Variants in SH3BGRL observed in about 807,000 individuals in gnomAD.
The protein encoded by SH3BGRL is adapter SH3BGRL.
In SH3BGRL, 7 loss-of-function variants were observed where a neutral mutation model predicts 9.8. The ratio of observed to expected loss-of-function variants is 0.72; its 90% confidence interval spans 0.41 to 1.35. The LOEUF is 1.35. Among genes scored for constraint, SH3BGRL ranks in the 40% most tolerant of loss-of-function variants. SH3BGRL has a pLI of 0.01. For missense variants in SH3BGRL, 73 were observed against 84.4 expected (o/e 0.86, Z 0.53); for synonymous variants, 36 against 29.1 (o/e 1.24, Z -0.76).
intron 1 of SH3BGRL, among the ~76,000 whole-genome samples, chrX:81,275,388 C>T (rs1029421383): frequency 1.2e-4 from 13 of 111,407 alleles, no homozygotes; most frequent in East Asian, 5.6e-4. Flanking sequence ...TGAGAGCCAC[C>T]GTGCCCAGCC....
intron 1 of SH3BGRL, among the ~76,000 whole-genome samples, chrX:81,275,497 C>T (rs1236272498): frequency 5.4e-5 from 6 of 111,904 alleles, no homozygotes; most frequent in African/African-American, 2.0e-4. Context: ...ATTGACTGAA[C>T]CCACCTACTG....
At chrX:81,276,923 C>A in intron 1 of SH3BGRL, 61 bp from the exon 2 acceptor site, 1 of 996,360 alleles carries the variant, frequency 1.0e-6, no homozygotes, top group South Asian at 2.2e-5. Context: ...TTTCTGCCAG[C>A]TCACAAACAT....
intron 1 of SH3BGRL, among the ~76,000 whole-genome samples, chrX:81,211,712 C>T (rs980592426): frequency 1.9e-4 from 21 of 111,545 alleles, no homozygotes; most frequent in African/African-American, 9.8e-5. Flanking sequence ...CAGGCCTAGC[C>T]TCCCACTTTA....
rs576785432 is a variant in SH3BGRL, at chrX:81,290,973, C to A, written c.313-6222C>A. 2.1e-4 allele frequency among the ~76,000 whole-genome samples: 24 copies of A among 111,754 alleles called. 1 individual carries two copies. The South Asian group carries it at 9.0e-3, about 42-fold the overall frequency. On this transcript the variant is annotated intron_variant, in intron 3 of 3. Coordinates refer to ENST00000373212, the MANE Select transcript of SH3BGRL (RefSeq NM_003022.3). ...TCATTTTTGCATTATTATACAACTG[C>A]TTCTCCAACTATGTATGCTATGTTT... is the stretch of plus-strand genomic sequence containing the variant.
Position 81,218,794 on chromosome X carries a change from T to TATATAGATATAGATATAG in SH3BGRL, c.45+16567_45+16584dup, listed in dbSNP as rs200310468. Among the ~76,000 whole-genome samples, 974 of 100,240 alleles carry TATATAGATATAGATATAG rather than the reference T, an allele frequency of 9.7e-3. 16 individuals are homozygous for TATATAGATATAGATATAG. The highest frequency in any genetic ancestry group is 0.033 in the African/African-American group (936 of 28,024). 87.0% of individuals were successfully genotyped at this position (100,240 alleles called of 115,157 possible). On this transcript the variant is annotated intron_variant, in intron 1 of 3. Coordinates refer to ENST00000373212, the MANE Select transcript of SH3BGRL (RefSeq NM_003022.3). The stretch of plus-strand genomic sequence containing the variant: ...ATATACACATATATATCTGTATGTA[T>TATATAGATATAGATATAG]ATATAGATATAGATATAGATATAGA...
intron 1 of SH3BGRL, among the ~76,000 whole-genome samples, chrX:81,233,041 GATATA>G (rs2075637669): frequency 1.8e-5 from 2 of 111,157 alleles, no homozygotes; most frequent in Non-Finnish European, 3.8e-5. Flanking sequence ...ACAACTATAT[GATATA>G]CAACTATATG....
At chrX:81,267,771 C>T (rs764493593) in intron 1 of SH3BGRL, among the ~76,000 whole-genome samples, 47 of 111,543 alleles carry the variant, frequency 4.2e-4, no homozygotes, top group Non-Finnish European at 8.1e-4. Context: ...GGAATAGTTT[C>T]AGAAGGAACT....
chrX:81,225,142 A>G (rs1166079183), intron 1 of SH3BGRL, among the ~76,000 whole-genome samples: 3 of 111,017 alleles, frequency 2.7e-5, no homozygotes, highest in Non-Finnish European at 5.7e-5. Context: ...TCCAGTACCA[A>G]TTTTATTTTT....
chrX:81,216,260 T>C (rs2075581077), intron 1 of SH3BGRL, among the ~76,000 whole-genome samples: 1 of 111,266 alleles, frequency 9.0e-6, no homozygotes, highest in Non-Finnish European at 1.9e-5. Flanking sequence ...TATATCAATA[T>C]GCATTATTTA....
intron 1 of SH3BGRL, among the ~76,000 whole-genome samples, chrX:81,225,250 A>G (rs1439245260): frequency 9.0e-6 from 1 of 111,353 alleles, no homozygotes; most frequent in African/African-American, 3.3e-5. Context: ...TAACTGTTTT[A>G]GCATAGAGCA....
chrX:81,264,528 T>C (rs1446157401), intron 1 of SH3BGRL, among the ~76,000 whole-genome samples: 1 of 111,870 alleles, frequency 8.9e-6, no homozygotes, highest in Non-Finnish European at 1.9e-5. Context: ...TGCTAACATA[T>C]AGTAAGGCTT....
In SH3BGRL at chrX:81,268,739, G is replaced by C. The variant is rs1009173282; in HGVS notation, c.46-8245G>C. Among the ~76,000 whole-genome samples the C allele has an allele frequency of 4.5e-5, 5 of 111,518 alleles. No homozygotes were observed. The Admixed American group carries it at 4.8e-4, about 11-fold the overall frequency. On this transcript the variant is annotated intron_variant, in intron 1 of 3. Coordinates refer to ENST00000373212, the MANE Select transcript of SH3BGRL (RefSeq NM_003022.3). The stretch of plus-strand genomic sequence containing the variant: ...CTGTAGATGTCTATTAGGTCTGCTT[G>C]GTCCAGAGCTGAGTTCAAGTCCTGG...
At chrX:81,236,539 G>A (rs1016046610) in intron 1 of SH3BGRL, among the ~76,000 whole-genome samples, 1 of 111,050 alleles carries the variant, frequency 9.0e-6, no homozygotes, top group African/African-American at 3.3e-5. Context: ...TTTATTCATG[G>A]GTGCTCTAGA....
chrX:81,225,816 C>T (rs890150379), intron 1 of SH3BGRL, among the ~76,000 whole-genome samples: 1 of 111,099 alleles, frequency 9.0e-6, no homozygotes, highest in African/African-American at 3.3e-5. Context: ...TAAATAAATC[C>T]CAGTCCTCTG....
intron 1 of SH3BGRL, among the ~76,000 whole-genome samples, chrX:81,219,770 CT>C (rs1357249008): frequency 1.8e-5 from 2 of 111,093 alleles, no homozygotes; most frequent in Non-Finnish European, 3.8e-5. Context: ...TCATATATGG[CT>C]TTTATTATGC....
chrX:81,222,726 C>T (rs1243891407), intron 1 of SH3BGRL, among the ~76,000 whole-genome samples: 1 of 111,096 alleles, frequency 9.0e-6, no homozygotes, highest in Non-Finnish European at 1.9e-5. Flanking sequence ...TTTCTAGTTC[C>T]AAATGCCTGA....
intron 1 of SH3BGRL, among the ~76,000 whole-genome samples, chrX:81,208,708 G>C (rs1449044982): frequency 9.0e-6 from 1 of 111,668 alleles, no homozygotes; most frequent in Non-Finnish European, 1.9e-5. Context: ...AGTACATTTA[G>C]AGAGACGAGG....
intron 1 of SH3BGRL, among the ~76,000 whole-genome samples, chrX:81,241,325 A>T (rs763429778): frequency 8.9e-6 from 1 of 112,433 alleles, no homozygotes; most frequent in South Asian, 3.7e-4. Context: ...GAAGGCAGAC[A>T]GTCTCCGGGG....
intron 1 of SH3BGRL, among the ~76,000 whole-genome samples, chrX:81,263,737 C>A (rs773514006): frequency 9.1e-6 from 1 of 110,171 alleles, no homozygotes; most frequent in East Asian, 2.8e-4. Flanking sequence ...TTAAAAAGTT[C>A]GTTGGGCATT....
Sources: gnomAD v4.1 joint callset for allele counts (sites outside exome capture counted in the v4.1 genomes callset) on GRCh38, gnomAD v4.1.1 for gene constraint, MANE v1.5 for transcripts, NCBI Gene and HGNC (gene_info 2026-07-23, HGNC 2026-07-21) for gene names.